The following MAB21L3 variants were observed in gnomAD, a reference collection of about 807,000 sequenced individuals.
MAB21L3 encodes mab-21 like 3.
In MAB21L3, 36 loss-of-function variants were observed where a neutral mutation model predicts 37.7. The observed-to-expected ratio is 0.96, with a 90% CI of 0.73 to 1.26. MAB21L3 has a LOEUF of 1.26. Among genes scored for constraint, MAB21L3 ranks in the 50% most tolerant of loss-of-function variants. The probability of loss-of-function intolerance (pLI) is 0.00; values close to 1 mark genes in which losing one functional copy is unlikely to be tolerated. For missense variants in MAB21L3, 430 were observed against 447.3 expected (o/e 0.96, Z 0.35); for synonymous variants, 186 against 176.8 (o/e 1.05, Z -0.41).
rs1033352469 is a variant in MAB21L3, at chr1:116,134,429, C to G, written c.*1064C>G. 6.6e-6 allele frequency: 1 copy of G among 152,190 alleles called. No homozygotes were observed. Among genetic ancestry groups the G allele is most frequent in the Non-Finnish European group, 1.5e-5 (1 of 68,042 alleles). The allele number at this position is 152,190 out of a possible 1,614,324, so 9.4% of individuals were successfully genotyped here. ...CACGCACAGTTATTACAGATGGAAG[C>G]AAGTGCTTCAAAGGAAATAAACAGA... On this transcript the variant is annotated 3_prime_UTR_variant, in exon 8 of 8. Transcript: ENST00000369500.
chr1:116,113,674 A>G (rs1659491904), intron 3 of MAB21L3, among the ~76,000 whole-genome samples: 1 of 152,202 alleles, frequency 6.6e-6, no homozygotes, highest in Non-Finnish European at 1.5e-5. Context: ...CCTGTAGATT[A>G]TTTCTAATGT....
intron 3 of MAB21L3, among the ~76,000 whole-genome samples, chr1:116,115,416 C>T (rs1230539828): frequency 6.6e-6 from 1 of 150,666 alleles, no homozygotes; most frequent in African/African-American, 2.5e-5. Flanking sequence ...ATTATTAGCC[C>T]CTGAAAGACA....
Position 116,112,409 on chromosome 1 carries a change from G to T in MAB21L3, c.-207G>T, listed in dbSNP as rs72689487. On this transcript the variant is annotated splice_region_variant and 5_prime_UTR_variant, in exon 3 of 8. An upstream start codon of the reference 5' UTR is lost. Transcript: ENST00000369500. Reference sequence around the variant, plus strand: ...TTTTTTTTTTAATTTCCCAAAAGATGACAGATGGATTTTCACAATTTGGAA... The same window carrying T: ...TTTTTTTTTTAATTTCCCAAAAGATTACAGATGGATTTTCACAATTTGGAA... 4,961 of 447,208 alleles carry T rather than the reference G, an allele frequency of 0.011. 53 individuals are homozygous for T. Among genetic ancestry groups the T allele is most frequent in the Non-Finnish European group, 0.012 (2,940 of 248,622 alleles). 27.7% of individuals were successfully genotyped at this position (447,208 alleles called of 1,614,324 possible). A position where few individuals can be genotyped will look rare whatever the true frequency, so the allele number is the denominator to read the frequency against.
chr1:116,131,241 G>C (rs541648017), intron 7 of MAB21L3, among the ~76,000 whole-genome samples: 1 of 152,332 alleles, frequency 6.6e-6, no homozygotes, highest in South Asian at 2.1e-4. Flanking sequence ...ATGACTAAGA[G>C]AGTGTGCAAT....
At chr1:116,129,144 G>A (rs946267462) in intron 7 of MAB21L3, among the ~76,000 whole-genome samples, 8 of 152,220 alleles carry the variant, frequency 5.3e-5, no homozygotes, top group East Asian at 1.9e-4. Flanking sequence ...CAGTGGGTGC[G>A]TGTACAATCA....
intron 7 of MAB21L3, among the ~76,000 whole-genome samples, chr1:116,132,322 C>T (rs767872368): frequency 2.4e-4 from 37 of 152,144 alleles, no homozygotes; most frequent in South Asian, 2.1e-4. Context: ...GCCAGGGAGG[C>T]GCTGTAATGC....
chr1:116,117,360 T>G (rs1659621832), intron 3 of MAB21L3, among the ~76,000 whole-genome samples: 1 of 151,892 alleles, frequency 6.6e-6, no homozygotes, highest in African/African-American at 2.4e-5. Context: ...AATTAACACT[T>G]TTATTACTTT....
chr1:116,125,209 T>C (rs116298431), intron 5 of MAB21L3, among the ~76,000 whole-genome samples: 2,923 of 152,240 alleles, frequency 0.019, 36 homozygotes, highest in Non-Finnish European at 0.032. Flanking sequence ...CATGGTGAAA[T>C]GGGTATTCTC....
intron 1 of MAB21L3, among the ~76,000 whole-genome samples, 48 bp from the exon 2 acceptor site, chr1:116,111,581 G>A (rs1209865129): frequency 2.0e-5 from 3 of 151,624 alleles, no homozygotes; most frequent in African/African-American, 7.3e-5. Flanking sequence ...ATGTTTACCA[G>A]CTTCAAGGAG....
intron 5 of MAB21L3, among the ~76,000 whole-genome samples, chr1:116,126,441 G>A (rs935787487): frequency 2.6e-4 from 40 of 152,152 alleles, no homozygotes; most frequent in Admixed American, 2.4e-3. Context: ...TGGCTGTGAC[G>A]TGCTTTGATG....
chr1:116,117,158 CATACATATATATAT>C (rs1373234666), intron 3 of MAB21L3, among the ~76,000 whole-genome samples: 6 of 86,110 alleles, frequency 7.0e-5, no homozygotes, highest in African/African-American at 3.5e-4. Flanking sequence ...TCAAAATATA[CATACATATATATAT>C]ATATATATAT....
At chr1:116,129,782 CTCTT>C (rs1465269438) in intron 7 of MAB21L3, among the ~76,000 whole-genome samples, 1 of 152,232 alleles carries the variant, frequency 6.6e-6, no homozygotes, top group African/African-American at 2.4e-5. Flanking sequence ...CTCAACTTTT[CTCTT>C]TTTTTCGCAC....
chr1:116,122,972 C>T (rs1284051950), intron 4 of MAB21L3, among the ~76,000 whole-genome samples: 1 of 152,224 alleles, frequency 6.6e-6, no homozygotes, highest in Non-Finnish European at 1.5e-5. Context: ...TCATCTAAAA[C>T]ATCAAACTAT....
At chr1:116,118,179 T>C (rs1024039635) in intron 3 of MAB21L3, among the ~76,000 whole-genome samples, 7 of 152,074 alleles carry the variant, frequency 4.6e-5, no homozygotes, top group South Asian at 2.1e-4. Context: ...GTCAGGAGAT[T>C]GACACCATCC....
intron 3 of MAB21L3, among the ~76,000 whole-genome samples, chr1:116,116,602 G>T (rs972133830): frequency 1.3e-5 from 2 of 152,166 alleles, no homozygotes; most frequent in African/African-American, 4.8e-5. Flanking sequence ...GTGGCAAAGT[G>T]TGATGGAAAG....
chr1:116,122,161 A>T (rs980159722), intron 4 of MAB21L3, among the ~76,000 whole-genome samples: 3 of 152,244 alleles, frequency 2.0e-5, no homozygotes, highest in Non-Finnish European at 4.4e-5. Context: ...GGCCCATTAC[A>T]TCTCAAGGTT....
At position 116,133,624 on chromosome 1, in the gene MAB21L3, CA is replaced by C; in HGVS notation, c.*260del. On this transcript the variant is annotated 3_prime_UTR_variant, in exon 8 of 8. Coordinates refer to ENST00000369500, the MANE Select transcript of MAB21L3 (RefSeq NM_152367.3). ...ACAGCTCTCATCAGGCTTCCCCAGG[CA>C]CAGATTTGGAACTGGTGACAGTTCT... is the stretch of plus-strand genomic sequence containing the variant. 1.8e-6 allele frequency: 1 copy of C among 547,932 alleles called. No individual in the cohort carries two copies. The highest frequency in any genetic ancestry group is 3.3e-6 in the Non-Finnish European group (1 of 305,062). 33.9% of individuals were successfully genotyped at this position (547,932 alleles called of 1,614,324 possible). A position where few individuals can be genotyped will look rare whatever the true frequency, so the allele number is the denominator to read the frequency against.
intron 3 of MAB21L3, among the ~76,000 whole-genome samples, chr1:116,120,332 C>A (rs927890727): frequency 4.0e-5 from 6 of 151,724 alleles, no homozygotes; most frequent in Admixed American, 3.3e-4. Flanking sequence ...AATAGCTGCC[C>A]CTTTATTCTC....
At chr1:116,127,920 G>C (rs992333494) in intron 6 of MAB21L3, among the ~76,000 whole-genome samples, 2 of 152,174 alleles carry the variant, frequency 1.3e-5, no homozygotes, top group Admixed American at 6.5e-5. Context: ...TCTGATGTAT[G>C]CTCAAGTTGG....
Sources: gnomAD v4.1 joint callset for allele counts (sites outside exome capture counted in the v4.1 genomes callset) on GRCh38, gnomAD v4.1.1 for gene constraint, MANE v1.5 for transcripts, NCBI Gene and HGNC (gene_info 2026-07-23, HGNC 2026-07-21) for gene names.